The following LHFPL6 variants were observed in gnomAD, a reference collection of about 807,000 sequenced individuals.
LHFPL6 encodes the protein LHFPL tetraspan subfamily member 6, also known as LHFPL tetraspan subfamily member 6 protein.
Under a neutral mutation model 20.6 loss-of-function variants are expected in LHFPL6, and 9 were observed. The ratio of observed to expected loss-of-function variants is 0.44; its 90% CI spans 0.26 to 0.76. The LOEUF (loss-of-function observed/expected upper bound fraction) is 0.76, where lower values mean the gene tolerates loss of function less well. Among genes scored for constraint, LHFPL6 ranks in the 30% least tolerant of loss-of-function variants. The pLI, the probability that LHFPL6 is intolerant of heterozygous loss-of-function variation, is 0.20. For synonymous variants in LHFPL6, 105 were observed against 98.7 expected (o/e 1.06, Z -0.38); for missense variants, 218 against 253.5 (o/e 0.86, Z 0.95).
chr13:39,494,024 C>T (rs1869018350), intron 2 of LHFPL6, among the ~76,000 whole-genome samples: 1 of 152,216 alleles, frequency 6.6e-6, no homozygotes, highest in Non-Finnish European at 1.5e-5. Flanking sequence ...GAATGTTAAT[C>T]TCATCAGCTC....
At position 39,425,742 on chromosome 13, in the gene LHFPL6, G is replaced by GT. The variant is rs1322361139; in HGVS notation, c.386-47217dup. Among the ~76,000 whole-genome samples, 4 of 152,068 alleles carry GT rather than the reference G, an allele frequency of 2.6e-5. No individual in the cohort carries two copies. In the East Asian group the frequency reaches 7.7e-4, roughly 29 times the overall value. On this transcript the variant is annotated intron_variant, in intron 2 of 3. Transcript: ENST00000379589. The stretch of plus-strand genomic sequence containing the variant: ...ATTATTTTATTATGAAGTTTTGAGA[G>GT]TTCTTTATATATTCTGACGCAAGTC...
intron 2 of LHFPL6, among the ~76,000 whole-genome samples, chr13:39,585,191 GA>G (rs916030389): frequency 6.6e-6 from 1 of 152,192 alleles, no homozygotes; most frequent in African/African-American, 2.4e-5. Context: ...GAGCTTGAGG[GA>G]ATACACAGAA....
intron 2 of LHFPL6, among the ~76,000 whole-genome samples, chr13:39,423,187 C>T (rs942371132): frequency 1.3e-5 from 2 of 152,164 alleles, no homozygotes; most frequent in Admixed American, 6.5e-5. Context: ...CTCAACAAAT[C>T]TCTTGTAGTA....
At chr13:39,599,117 C>A (rs968552028) in intron 2 of LHFPL6, among the ~76,000 whole-genome samples, 1 of 152,124 alleles carries the variant, frequency 6.6e-6, no homozygotes, top group African/African-American at 2.4e-5. Context: ...CTTCATTACA[C>A]GTTTAAAGAT....
At position 39,478,188 on chromosome 13, in the gene LHFPL6, T is replaced by C. The variant is rs574898137; in HGVS notation, c.386-99662A>G. ...TTTCTAAGAAGTGAGGATCCCTGCC[T>C]TCAAGGAGTTAATACATTCCACCTA... On this transcript the variant is annotated intron_variant, in intron 2 of 3. Transcript: ENST00000379589. Among the ~76,000 whole-genome samples, 5 of 152,302 alleles carry C rather than the reference T, an allele frequency of 3.3e-5. No individual in the cohort carries two copies. In the East Asian group the frequency reaches 9.7e-4, roughly 29 times the overall value.
intron 2 of LHFPL6, among the ~76,000 whole-genome samples, chr13:39,597,922 T>G (rs531457765): frequency 6.6e-6 from 1 of 152,380 alleles, no homozygotes; most frequent in Admixed American, 6.5e-5. Flanking sequence ...TTATACCATA[T>G]GTACAAACTC....
chr13:39,526,910 A>G (rs1870308014), intron 2 of LHFPL6, among the ~76,000 whole-genome samples: 1 of 152,234 alleles, frequency 6.6e-6, no homozygotes, highest in African/African-American at 2.4e-5. Flanking sequence ...ACTCTGAGAA[A>G]ACTTTGACTT....
intron 2 of LHFPL6, among the ~76,000 whole-genome samples, chr13:39,541,472 T>C (rs1870796712): frequency 6.6e-6 from 1 of 152,154 alleles, no homozygotes; most frequent in Non-Finnish European, 1.5e-5. Flanking sequence ...GGTGCAGGGA[T>C]TGTTCTTGCC....
At chr13:39,555,320 C>G (rs1048231758) in intron 2 of LHFPL6, among the ~76,000 whole-genome samples, 3 of 149,414 alleles carry the variant, frequency 2.0e-5, no homozygotes, top group African/African-American at 7.5e-5. Context: ...GAGCTCTCCC[C>G]GCCCTTTTTT....
chr13:39,513,929 A>G (rs1244974185), intron 2 of LHFPL6, among the ~76,000 whole-genome samples: 2 of 152,140 alleles, frequency 1.3e-5, no homozygotes, highest in African/African-American at 2.4e-5. Flanking sequence ...AACTCTGAGA[A>G]CCAGTCAAAA....
At chr13:39,360,052 G>A (rs7999083) in intron 3 of LHFPL6, among the ~76,000 whole-genome samples, 56,214 of 111,618 alleles carry the variant, frequency 0.5, 16,475 homozygotes, top group East Asian at 0.62. Context: ...AGACAGTCTC[G>A]CTCTGTCGCC....
At chr13:39,346,646 C>T (rs572143015) in intron 3 of LHFPL6, among the ~76,000 whole-genome samples, 1 of 152,266 alleles carries the variant, frequency 6.6e-6, no homozygotes, top group South Asian at 2.1e-4. Context: ...CAGGCAGTCT[C>T]GTCTGCTGTC....
chr13:39,584,714 T>TC (rs1593374309), intron 2 of LHFPL6, among the ~76,000 whole-genome samples: 1 of 152,108 alleles, frequency 6.6e-6, no homozygotes, highest in East Asian at 1.9e-4. Context: ...ATTATAATTT[T>TC]CCCTTTAGAT....
At position 39,354,220 on chromosome 13, in the gene LHFPL6, C is replaced by A. The variant is rs192943810; in HGVS notation, c.485-10166G>T. ...TGAATTACACCATCAAACAAAAATT[C>A]TTTCACCACACATCACTGGTGAAGT... On this transcript the variant is annotated intron_variant, in intron 3 of 3. Coordinates refer to ENST00000379589, the MANE Select transcript of LHFPL6 (RefSeq NM_005780.3). Among the ~76,000 whole-genome samples, 358 of 152,294 alleles carry A rather than the reference C, an allele frequency of 2.4e-3. 1 individual carries two copies. Among genetic ancestry groups the A allele is most frequent in the African/African-American group, 7.9e-3 (329 of 41,550 alleles).
chr13:39,534,181 T>C lies in LHFPL6; in HGVS notation c.385+66651A>G, dbSNP rs1294802909. 2.0e-5 allele frequency among the ~76,000 whole-genome samples: 3 copies of C among 152,194 alleles called. No homozygotes were observed. In the East Asian group the frequency reaches 5.8e-4, roughly 29 times the overall value. ...TTGGCAGTATTTGGAACTACATATA[T>C]AAATTTACTTTTTTGTTTTTTAGGA... is the stretch of plus-strand genomic sequence containing the variant. On this transcript the variant is annotated intron_variant, in intron 2 of 3. Transcript: ENST00000379589.
In LHFPL6 at chr13:39,412,676, G is replaced by A. The variant is rs1281019001; in HGVS notation, c.386-34150C>T. Among the ~76,000 whole-genome samples the A allele has an allele frequency of 5.9e-5, 9 of 152,326 alleles. No individual in the cohort carries two copies. In the South Asian group the frequency reaches 6.2e-4, roughly 11 times the overall value. On this transcript the variant is annotated intron_variant, in intron 2 of 3. Transcript: ENST00000379589. ...GCAGTGGCTCACGCCTGTAATCCCA[G>A]CACTTTGGGAGGCCAAGGCGGGTGG...
At chr13:39,581,159 T>C (rs1042653733) in intron 2 of LHFPL6, among the ~76,000 whole-genome samples, 2 of 152,158 alleles carry the variant, frequency 1.3e-5, no homozygotes, top group African/African-American at 2.4e-5. Flanking sequence ...AAGGAAAGTA[T>C]AGAGAAATGA....
chr13:39,431,343 C>G (rs1042933970), intron 2 of LHFPL6, among the ~76,000 whole-genome samples: 1 of 152,134 alleles, frequency 6.6e-6, no homozygotes, highest in South Asian at 2.1e-4. Flanking sequence ...GGAACAAACT[C>G]CAGACACACC....
chr13:39,595,349 G>A (rs1248883666), intron 2 of LHFPL6, among the ~76,000 whole-genome samples: 1 of 152,118 alleles, frequency 6.6e-6, no homozygotes, highest in African/African-American at 2.4e-5. Flanking sequence ...CCAGGCTGCA[G>A]TGGCACAATC....
Sources: allele counts gnomAD v4.1 joint callset (sites outside exome capture counted in the v4.1 genomes callset), GRCh38; gene constraint gnomAD v4.1.1; transcripts MANE v1.5; gene names NCBI Gene and HGNC (gene_info 2026-07-23, HGNC 2026-07-21).